The following SUGCT variants were observed in gnomAD, a reference collection of about 807,000 sequenced individuals.
SUGCT encodes the protein succinyl-CoA:glutarate CoA-transferase.
Under a neutral mutation model 55.0 loss-of-function variants are expected in SUGCT, and 41 were observed. The observed-to-expected ratio is 0.74, with a 90% CI of 0.58 to 0.97. The LOEUF is 0.97. Ranked by LOEUF, SUGCT falls within the 50% of genes least tolerant of loss-of-function variation. The pLI is 0.00. For synonymous variants in SUGCT, 187 were observed against 200.4 expected (o/e 0.93, Z 0.56); for missense variants, 568 against 547.8 (o/e 1.04, Z -0.37).
At chr7:40,162,135 A>T (rs1027759126) in intron 1 of SUGCT, among the ~76,000 whole-genome samples, 1 of 152,084 alleles carries the variant, frequency 6.6e-6, no homozygotes, top group East Asian at 1.9e-4. Flanking sequence ...TGACCTCGTG[A>T]TCCGCCCGCC....
At chr7:40,657,149 A>AT (rs200148362) in intron 12 of SUGCT, among the ~76,000 whole-genome samples, 93 of 151,630 alleles carry the variant, frequency 6.1e-4, no homozygotes, top group East Asian at 5.2e-3. Context: ...TTTTAAGGTG[A>AT]TTTTTTTTTC....
intron 8 of SUGCT, among the ~76,000 whole-genome samples, chr7:40,295,570 T>C (rs1186790761): frequency 6.8e-6 from 1 of 147,918 alleles, no homozygotes; most frequent in Non-Finnish European, 1.5e-5. Context: ...AGGAAGACTC[T>C]GTCTCCAAAA....
At chr7:41,002,208 A>G in the SUGCT span, among the ~76,000 whole-genome samples, 4 of 152,108 alleles carry the variant, frequency 2.6e-5, no homozygotes, top group African/African-American at 4.8e-5. Context: ...ATTAGTACAG[A>G]TGGGGTTTTG....
the SUGCT span, among the ~76,000 whole-genome samples, chr7:40,916,048 T>A: frequency 0.34 from 48,344 of 140,168 alleles, 8,516 homozygotes; most frequent in Admixed American, 0.46. Flanking sequence ...TGTGGGACAC[T>A]CTCTCTCTCT....
At chr7:41,022,352 C>G in the SUGCT span, among the ~76,000 whole-genome samples, 1 of 152,122 alleles carries the variant, frequency 6.6e-6, no homozygotes. Context: ...TCTGGGGTAG[C>G]TAAACTTCTA....
At chr7:40,358,215 A>T (rs1437228227) in intron 9 of SUGCT, among the ~76,000 whole-genome samples, 2 of 152,228 alleles carry the variant, frequency 1.3e-5, no homozygotes, top group African/African-American at 4.8e-5. Flanking sequence ...GTTTAATCTG[A>T]GAGAATTCAA....
At chr7:40,229,586 G>A (rs1469656875) in intron 6 of SUGCT, among the ~76,000 whole-genome samples, 1 of 151,816 alleles carries the variant, frequency 6.6e-6, no homozygotes, top group Non-Finnish European at 1.5e-5. Context: ...GCTGAGGCAA[G>A]TGGATCACGA....
At chr7:40,590,411 C>T (rs1177362874) in intron 12 of SUGCT, among the ~76,000 whole-genome samples, 2 of 152,152 alleles carry the variant, frequency 1.3e-5, no homozygotes, top group African/African-American at 4.8e-5. Flanking sequence ...TGGGCCAAAA[C>T]ATAGGCCTTT....
intron 7 of SUGCT, among the ~76,000 whole-genome samples, chr7:40,239,474 G>T (rs141297723): frequency 6.6e-6 from 1 of 152,164 alleles, no homozygotes; most frequent in African/African-American, 2.4e-5. Context: ...AGGCTCTCAT[G>T]TGGCCAAGAC....
At chr7:40,575,592 T>TG (rs1376966332) in intron 12 of SUGCT, among the ~76,000 whole-genome samples, 56 of 148,734 alleles carry the variant, frequency 3.8e-4, no homozygotes, top group African/African-American at 1.2e-3. Context: ...AGTATTTAAA[T>TG]GGGAAAAAAA....
intron 12 of SUGCT, 67 bp from the exon 13 acceptor site, chr7:40,749,367 C>A: frequency 8.0e-7 from 1 of 1,243,914 alleles, no homozygotes; most frequent in Non-Finnish European, 1.2e-6. Context: ...AGATGGCTGT[C>A]CATGCCTTGC....
the SUGCT span, among the ~76,000 whole-genome samples, chr7:40,887,905 A>G: frequency 6.6e-6 from 1 of 152,142 alleles, no homozygotes; most frequent in East Asian, 1.9e-4. Context: ...GGGGTTGGAG[A>G]GTGCTTTCAA....
chr7:40,783,009 G>A (rs1388351163), intron 13 of SUGCT, among the ~76,000 whole-genome samples: 1 of 152,118 alleles, frequency 6.6e-6, no homozygotes, highest in East Asian at 1.9e-4. Context: ...GCCTCTGTGG[G>A]TGCTGTGGTT....
chr7:41,003,963 A>C, the SUGCT span, among the ~76,000 whole-genome samples: 2 of 152,142 alleles, frequency 1.3e-5, no homozygotes, highest in African/African-American at 4.8e-5. Context: ...AAAGGTATAG[A>C]TACAGTTAAA....
At chr7:40,332,068 T>C (rs1796340646) in intron 9 of SUGCT, among the ~76,000 whole-genome samples, 1 of 152,226 alleles carries the variant, frequency 6.6e-6, no homozygotes, top group Non-Finnish European at 1.5e-5. Flanking sequence ...TTATTATCTT[T>C]ATTGGTTTGG....
At chr7:40,313,675 G>A (rs2151102910) in intron 8 of SUGCT, among the ~76,000 whole-genome samples, 1 of 151,458 alleles carries the variant, frequency 6.6e-6, no homozygotes, top group Non-Finnish European at 1.5e-5. Flanking sequence ...TGTTGCTGAG[G>A]CTGGAGCGCT....
At chr7:40,660,503 C>T (rs6966833) in intron 12 of SUGCT, among the ~76,000 whole-genome samples, 8,091 of 152,096 alleles carry the variant, frequency 0.053, 677 homozygotes, top group African/African-American at 0.18. Flanking sequence ...GTGATCTGCC[C>T]GCCTCGGCCT....
chr7:40,875,265 T>C, the SUGCT span, among the ~76,000 whole-genome samples: 1 of 152,222 alleles, frequency 6.6e-6, no homozygotes, highest in African/African-American at 2.4e-5. Flanking sequence ...AAACTCACTT[T>C]CTCAGAAATC....
the SUGCT span, among the ~76,000 whole-genome samples, chr7:41,018,842 A>G: frequency 3.9e-5 from 6 of 152,182 alleles, no homozygotes; most frequent in Non-Finnish European, 7.3e-5. Context: ...TTTATCCAAT[A>G]TAATTGAACT....
Sources: gnomAD v4.1 joint callset for allele counts (sites outside exome capture counted in the v4.1 genomes callset) on GRCh38, gnomAD v4.1.1 for gene constraint, MANE v1.5 for transcripts, NCBI Gene and HGNC (gene_info 2026-07-23, HGNC 2026-07-21) for gene names.